The following ITIH2 variants were observed in gnomAD, a reference collection of about 807,000 sequenced individuals.
The protein encoded by ITIH2 is inter-alpha-trypsin inhibitor heavy chain 2, also known as inter-alpha-trypsin inhibitor heavy chain H2.
ITIH2 carries 103 observed loss-of-function variants against 104.4 expected under a neutral mutation model. The observed-to-expected ratio is 0.99, with a 90% CI of 0.84 to 1.16. The LOEUF is 1.16. ITIH2 is among the 50% of genes most tolerant of loss of function. The pLI, the probability that ITIH2 is intolerant of heterozygous loss-of-function variation, is 0.00. For synonymous variants in ITIH2, 436 were observed against 435.4 expected (o/e 1.00, Z -0.02); for missense variants, 1,108 against 1,162.4 (o/e 0.95, Z 0.68).
chr10:7,749,224 G>A lies in ITIH2; in HGVS notation c.2731G>A (p.Gly911Arg), dbSNP rs1336678169. 4 of 1,614,130 alleles carry A rather than the reference G, an allele frequency of 2.5e-6. No homozygotes were observed. In the South Asian group the frequency reaches 4.4e-5, roughly 18 times the overall value. ...AGACTACAGAACGGATCTAGTGTTT[G>A]GAACGGACGTTACCTGCTGGTTTGT... ...QKDYRTDLVFGTDVTCWFVHN... is the reference protein window; with the variant it reads ...QKDYRTDLVFRTDVTCWFVHN... Residue 911 changes from glycine (G) to arginine (R), a missense_variant, in exon 21 of 21, where the codon GGA becomes AGA. Transcript: ENST00000358415.
chr10:7,717,246 C>A (rs140650239), intron 5 of ITIH2, among the ~76,000 whole-genome samples: 2,914 of 152,308 alleles, frequency 0.019, 29 homozygotes, highest in Non-Finnish European at 0.03. Context: ...ACCACCACAC[C>A]CAGCCCAAGC....
At chr10:7,714,241 G>C (rs572321049) in intron 5 of ITIH2, among the ~76,000 whole-genome samples, 1 of 140,638 alleles carries the variant, frequency 7.1e-6, no homozygotes, top group Non-Finnish European at 1.5e-5. Context: ...GTGCGATCTC[G>C]GCTCACTGCA....
At chr10:7,712,395 G>T (rs548346082) in intron 4 of ITIH2, among the ~76,000 whole-genome samples, 9 of 152,154 alleles carry the variant, frequency 5.9e-5, no homozygotes, top group Non-Finnish European at 8.8e-5. Context: ...AGGAAGTAAG[G>T]TTCAACATGC....
chr10:7,728,815 C>T (rs528735795), intron 11 of ITIH2, among the ~76,000 whole-genome samples: 1 of 152,148 alleles, frequency 6.6e-6, no homozygotes, highest in African/African-American at 2.4e-5. Flanking sequence ...CTGACACAGC[C>T]AAGCAGAATG....
chr10:7,725,519 G>C (rs1834943714), intron 9 of ITIH2, among the ~76,000 whole-genome samples: 1 of 152,200 alleles, frequency 6.6e-6, no homozygotes, highest in East Asian at 1.9e-4. Context: ...TTTGAAGGTA[G>C]AGTAAACAGT....
chr10:7,739,221 C>T (rs78088120), intron 16 of ITIH2, among the ~76,000 whole-genome samples: 6,882 of 152,264 alleles, frequency 0.045, 228 homozygotes, highest in Non-Finnish European at 0.059. Flanking sequence ...CTCTCCTGTT[C>T]CCAGCTCCTT....
At chr10:7,722,199 A>G (rs1156289238) in intron 8 of ITIH2, among the ~76,000 whole-genome samples, 2 of 152,110 alleles carry the variant, frequency 1.3e-5, no homozygotes, top group Non-Finnish European at 2.9e-5. Context: ...GTTTCTTGAA[A>G]AGTTTCCTTT....
rs558334270 is a variant in ITIH2, at chr10:7,741,887, C to T, written c.2096-1259C>T. ...CCACTCCTTCCTCATTCTGTACACT[C>T]AGAATAAAATCTCTTCCTCCTTAGC... is the stretch of plus-strand genomic sequence containing the variant. On this transcript the variant is annotated intron_variant, in intron 16 of 20. Coordinates refer to ENST00000358415, the MANE Select transcript of ITIH2 (RefSeq NM_002216.3). Among the ~76,000 whole-genome samples, 324 of 152,304 alleles carry T rather than the reference C, an allele frequency of 2.1e-3. 5 individuals carry two copies. Among genetic ancestry groups the T allele is most frequent in the Non-Finnish European group, 8.8e-4 (60 of 68,028 alleles).
intron 2 of ITIH2, 41 bp from the exon 3 acceptor site, chr10:7,707,160 G>A (rs1229895870): frequency 6.7e-7 from 1 of 1,494,160 alleles, no homozygotes; most frequent in Non-Finnish European, 9.3e-7. Flanking sequence ...GGTAATAAGT[G>A]ACATACAGTT....
At chr10:7,725,763 GAC>G (rs1376851864) in intron 9 of ITIH2, among the ~76,000 whole-genome samples, 1 of 152,218 alleles carries the variant, frequency 6.6e-6, no homozygotes, top group Non-Finnish European at 1.5e-5. Flanking sequence ...GAGATGTGGA[GAC>G]ACACAGTTAG....
chr10:7,742,453 T>G (rs1345160919), intron 16 of ITIH2, among the ~76,000 whole-genome samples: 1 of 152,042 alleles, frequency 6.6e-6, no homozygotes, highest in Non-Finnish European at 1.5e-5. Flanking sequence ...AAAAAATATA[T>G]CTCCAGGCTG....
chr10:7,727,925 G>A (rs1834966957), intron 11 of ITIH2, 97 bp downstream of exon 11: 2 of 1,371,000 alleles, frequency 1.5e-6, no homozygotes, highest in East Asian at 2.4e-5. Flanking sequence ...GCATTTGCCT[G>A]AGTTTCTAGA....
chr10:7,745,552 G>A (rs992049586), intron 19 of ITIH2, among the ~76,000 whole-genome samples: 4 of 151,884 alleles, frequency 2.6e-5, no homozygotes, highest in Non-Finnish European at 5.9e-5. Flanking sequence ...GAGTTCAAGG[G>A]CAGCCTGGGC....
chr10:7,738,266 C>T (rs1835088949), intron 15 of ITIH2, among the ~76,000 whole-genome samples: 3 of 122,616 alleles, frequency 2.4e-5, no homozygotes, highest in African/African-American at 3.1e-5. Context: ...ATATTATATT[C>T]TATATAATAT....
In ITIH2 at chr10:7,709,123, C is replaced by A. The variant is rs1257423981; in HGVS notation, c.294C>A (p.Ser98=). 1.9e-6 allele frequency: 3 copies of A among 1,614,014 alleles called. No individual in the cohort carries two copies. Among genetic ancestry groups the A allele is most frequent in the Non-Finnish European group, 2.5e-6 (3 of 1,180,002 alleles). ...TMIQSKVVNN[S]PQPQNVVFDV... ...TCCAGAGCAAAGTGGTGAACAATTC[C>A]CCGCAGCCTCAGAATGTCGTGTTTG... The change falls in exon 4 of 21, where the codon TCC becomes TCA. Residue 98 remains serine, a synonymous_variant. Transcript: ENST00000358415.
Position 7,717,679 on chromosome 10 carries a change from G to A in ITIH2, c.521G>A (p.Gly174Glu), listed in dbSNP as rs1337721520. The A allele has an allele frequency of 1.2e-6, 2 of 1,613,920 alleles. No individual in the cohort carries two copies. Among genetic ancestry groups the A allele is most frequent in the Non-Finnish European group, 1.7e-6 (2 of 1,179,972 alleles). The change falls in exon 6 of 21, where the codon GGA (glycine) becomes GAA (glutamate). Residue 174 changes from glycine to glutamate, a missense_variant. Transcript: ENST00000358415. ...NFRTEVNVLP[G>E]AKVQFELHYQ... ...AGAACGGAAGTAAATGTCCTCCCAG[G>A]AGCAAAGGTGCAGTTCGAACTTCAC... is the stretch of plus-strand genomic sequence containing the variant.
At position 7,728,533 on chromosome 10, in the gene ITIH2, C is replaced by T. The variant is rs183486231; in HGVS notation, c.1279+705C>T. On this transcript the variant is annotated intron_variant, in intron 11 of 20. Coordinates refer to ENST00000358415, the MANE Select transcript of ITIH2 (RefSeq NM_002216.3). ...AGTAGCTGGGACTACAGGTGTGCAC[C>T]ACCACACTCAGCTAATTTCTTTTTT... Among the ~76,000 whole-genome samples the T allele has an allele frequency of 5.0e-3, 766 of 152,090 alleles. 1 individual carries two copies. Among genetic ancestry groups the T allele is most frequent in the Non-Finnish European group, 8.7e-3 (592 of 67,978 alleles).
intron 14 of ITIH2, among the ~76,000 whole-genome samples, chr10:7,732,728 TTTA>T (rs1334950720): frequency 6.6e-6 from 1 of 152,010 alleles, no homozygotes; most frequent in Non-Finnish European, 1.5e-5. Flanking sequence ...ATTTTATTTA[TTTA>T]TTTTTATTTT....
intron 10 of ITIH2, among the ~76,000 whole-genome samples, 163 bp downstream of exon 10, chr10:7,727,281 A>C (rs1373211222): frequency 6.6e-6 from 1 of 152,252 alleles, no homozygotes; most frequent in East Asian, 1.9e-4. Flanking sequence ...GTTTGTAGTG[A>C]AAGTAGAATT....
Sources: allele counts gnomAD v4.1 joint callset (sites outside exome capture counted in the v4.1 genomes callset), GRCh38; gene constraint gnomAD v4.1.1; transcripts MANE v1.5; gene names NCBI Gene and HGNC (gene_info 2026-07-23, HGNC 2026-07-21).